Variants in ASB10 observed in about 807,000 individuals in gnomAD.
The protein encoded by ASB10 is ankyrin repeat and SOCS box containing 10.
A neutral mutation model predicts 35.4 loss-of-function variants in ASB10; 44 were observed. That is an observed-to-expected ratio of 1.24 (90% CI 0.98 to 1.60). The LOEUF (loss-of-function observed/expected upper bound fraction) is 1.60, where lower values mean the gene tolerates loss of function less well. Among genes scored for constraint, ASB10 ranks in the 40% most tolerant of loss-of-function variants. ASB10 has a pLI of 0.00. For synonymous variants in ASB10, 294 were observed against 280.4 expected, an observed-to-expected ratio of 1.05 and a Z score of -0.49; for missense variants, 647 against 634.3, an observed-to-expected ratio of 1.02 and a Z score of -0.22.
rs750715799 is a variant in ASB10 at position 151,181,327 on chromosome 7, G to GC, written c.715dup (p.Ala239GlyfsTer4). 1.6e-5 allele frequency: 26 copies of GC among 1,613,084 alleles called. No homozygotes were observed. In the African/African-American group the frequency reaches 2.5e-4, roughly 16 times the overall value. On this transcript the variant is annotated frameshift_variant, in exon 3 of 6. Coordinates refer to ENST00000420175, the MANE Select transcript of ASB10 (RefSeq NM_001142459.2). LOFTEE classifies it high-confidence loss of function. ...TTCGGCATTGCGGGCATCAGGACAT[G>GC]CCCCCCGTCTTAGAAGCAGATCTGC...
intron 2 of ASB10, among the ~76,000 whole-genome samples, chr7:151,184,949 G>A (rs1801560343): frequency 1.3e-5 from 2 of 151,754 alleles, no homozygotes; most frequent in Non-Finnish European, 2.9e-5. Flanking sequence ...GTGAACCCGG[G>A]AGGCGGAGCT....
In ASB10 at chr7:151,181,330, C is replaced by T. The variant is rs746792775; in HGVS notation, c.713G>A (p.Gly238Glu). 6.2e-7 allele frequency: 1 copy of T among 1,613,232 alleles called. No individual in the cohort carries two copies. The highest frequency in any genetic ancestry group is 8.5e-7 in the Non-Finnish European group (1 of 1,179,982). The change falls in exon 3 of 6, where the codon GGG becomes GAG. Residue 238 changes from glycine to glutamate, a missense_variant. Coordinates refer to ENST00000420175, the MANE Select transcript of ASB10 (RefSeq NM_001142459.2). ...VELADLLLRR[G>E]ACPDARNAEG... is the part of the protein sequence containing the mutation. ...GGCATTGCGGGCATCAGGACATGCC[C>T]CCCGTCTTAGAAGCAGATCTGCCAG...
chr7:151,176,768 C>T (rs1801397856), intron 3 of ASB10, 92 bp from the exon 4 acceptor site: 1 of 903,204 alleles, frequency 1.1e-6, no homozygotes, highest in Non-Finnish European at 1.7e-6. Context: ...ACTTTGTTCC[C>T]CAAAAGATAT....
intron 2 of ASB10, 121 bp downstream of exon 2, chr7:151,186,271 C>T: frequency 7.8e-7 from 1 of 1,278,358 alleles, no homozygotes; most frequent in Non-Finnish European, 1.1e-6. Flanking sequence ...GCACCCTGAC[C>T]CGCGCCCCAA....
At chr7:151,181,691 C>T (rs1372144141) in intron 2 of ASB10, among the ~76,000 whole-genome samples, 2 of 151,530 alleles carry the variant, frequency 1.3e-5, no homozygotes, top group Non-Finnish European at 2.9e-5. Flanking sequence ...CAGCTCACTG[C>T]AACCTCCACC....
intron 5 of ASB10, 44 bp from the exon 6 acceptor site, chr7:151,176,010 G>T (rs1801378250): frequency 7.3e-7 from 1 of 1,369,178 alleles, no homozygotes; most frequent in Non-Finnish European, 9.8e-7. Context: ...GTGGTTCGGG[G>T]ACGGGCCGGT....
chr7:151,186,486 C>T lies in ASB10; in HGVS notation c.490G>A (p.Val164Ile), dbSNP rs779264318. 6.2e-7 allele frequency: 1 copy of T among 1,600,392 alleles called. No homozygotes were observed. Among genetic ancestry groups the T allele is most frequent in the Non-Finnish European group, 8.5e-7 (1 of 1,173,786 alleles). ...EACAAGHTAC[V>I]HVLLVAGADP... The stretch of plus-strand genomic sequence containing the variant: ...GCTCCTGCCACCAGCAGCACATGAA[C>T]ACAGGCAGTGTGGCCTGCAGCACAG... The change falls in exon 2 of 6, where the codon GTT becomes ATT. Residue 164 changes from valine to isoleucine, a missense_variant. Val to Ile is a conservative substitution (Grantham distance 29, BLOSUM62 3). Coordinates refer to ENST00000420175, the MANE Select transcript of ASB10 (RefSeq NM_001142459.2).
chr7:151,178,398 C>T (rs923017375), intron 3 of ASB10, among the ~76,000 whole-genome samples: 5 of 152,230 alleles, frequency 3.3e-5, no homozygotes, highest in Non-Finnish European at 5.9e-5. Context: ...AGACCGTCCA[C>T]GTGGTCAGAA....
In ASB10 at chr7:151,186,897, A is replaced by C; in HGVS notation, c.234T>G (p.Ser78Arg). The C allele has an allele frequency of 2.5e-6, 4 of 1,613,974 alleles. No homozygotes were observed. Among genetic ancestry groups the C allele is most frequent in the Non-Finnish European group, 3.4e-6 (4 of 1,179,998 alleles). The stretch of plus-strand genomic sequence containing the variant: ...AGACGGAATCAGGAGCCAGGCCAGT[A>C]CTGGAGTCCGCGAGGATGCGGGAGA... Reference protein sequence around the residue: ...GCVSRILADSSTGLAPDSVFD... With the variant: ...GCVSRILADSRTGLAPDSVFD... Residue 78 changes from serine (S) to arginine (R), a missense_variant, in exon 1 of 6, where the codon AGT becomes AGG. Transcript: ENST00000420175.
chr7:151,178,434 AAG>A (rs1801429269), intron 3 of ASB10, among the ~76,000 whole-genome samples: 1 of 152,228 alleles, frequency 6.6e-6, no homozygotes, highest in Non-Finnish European at 1.5e-5. Flanking sequence ...CACTGGCACT[AAG>A]ACACCCGCTT....
At position 151,187,170 on chromosome 7, in the gene ASB10, T is replaced by C. The variant is rs751634616; in HGVS notation, c.-40A>G. 3.9e-6 allele frequency: 6 copies of C among 1,552,228 alleles called. No individual in the cohort carries two copies. The highest frequency in any genetic ancestry group is 1.4e-5 in the African/African-American group (1 of 72,240). On this transcript the variant is annotated 5_prime_UTR_variant, in exon 1 of 6. Transcript: ENST00000420175. This position sits in a 1 kb window ranked among gnomAD's most constrained non-coding sequence, Gnocchi z 5.3. ...GGGAGTGGGGAGGAGGAGAGGTATA[T>C]GCCAAAGGCAGAGAGAGAGAGAGAG...
intron 2 of ASB10, among the ~76,000 whole-genome samples, chr7:151,185,328 A>G (rs1801569836): frequency 6.6e-6 from 1 of 152,042 alleles, no homozygotes; most frequent in South Asian, 2.1e-4. Context: ...CATGTTGGCC[A>G]GGCTGGTCTC....
rs760154903 is a variant in ASB10, at chr7:151,181,267, C to T, written c.776G>A (p.Arg259His). ...CTCGGCATCGGTGATGGACTGGCAG[C>T]GGACGTCACAGGCAGCCAGCAGTGG... ...WTPLLAACDV[R>H]CQSITDAEAT... is the part of the protein sequence containing the mutation. Residue 259 changes from arginine to histidine, a missense_variant, in exon 3 of 6, where the codon CGC becomes CAC. Arg to His is a conservative substitution (Grantham distance 29, BLOSUM62 0). Transcript: ENST00000420175. 34 of 1,612,950 alleles carry T rather than the reference C, an allele frequency of 2.1e-5. No individual in the cohort carries two copies. In the East Asian group the frequency reaches 4.7e-4, roughly 22 times the overall value.
At chr7:151,187,628 C>T (rs1052861093), upstream of ASB10, 39 of 1,538,462 alleles carry the variant, frequency 2.5e-5, no homozygotes, top group Middle Eastern at 1.7e-4. This position sits in a 1 kb window ranked among gnomAD's most constrained non-coding sequence, Gnocchi z 5.3. Flanking sequence ...CCAGGCTGGG[C>T]GGGAGTGGGG....
intron 3 of ASB10, among the ~76,000 whole-genome samples, chr7:151,177,505 C>CG (rs1801410321): frequency 1.3e-5 from 2 of 152,200 alleles, no homozygotes; most frequent in Non-Finnish European, 2.9e-5. Context: ...TGGAAGGGGT[C>CG]CCTGACCTGT....
In ASB10 at chr7:151,186,960, G is replaced by C; in HGVS notation, c.171C>G (p.Ala57=). ...VTRTASGPAL[A]FWQAVLAGDV... ...CCCCAGCCAGCACTGCCTGCCAGAA[G>C]GCAAGGGCAGGTCCTGAGGCTGTGC... The change falls in exon 1 of 6, where the codon GCC becomes GCG. Residue 57 remains alanine, a synonymous_variant. Transcript: ENST00000420175. The C allele has an allele frequency of 1.2e-6, 2 of 1,613,892 alleles. No individual in the cohort carries two copies. Among genetic ancestry groups the C allele is most frequent in the Non-Finnish European group, 1.7e-6 (2 of 1,180,014 alleles).
Position 151,181,471 on chromosome 7 carries a change from G to T in ASB10, c.585-13C>A. ...CAGCTCCGCACACCTATTGGGGGGA[G>T]ACGGTGGTGGGGAGGAAAGCGGGCA... On this transcript the variant is annotated splice_polypyrimidine_tract_variant and intron_variant, in intron 2 of 5. Transcript: ENST00000420175. 6.4e-7 allele frequency: 1 copy of T among 1,565,316 alleles called. No individual in the cohort carries two copies. Among genetic ancestry groups the T allele is most frequent in the South Asian group, 1.2e-5 (1 of 84,764 alleles).
chr7:151,179,709 C>A (rs1476230309), intron 3 of ASB10, among the ~76,000 whole-genome samples: 2 of 152,198 alleles, frequency 1.3e-5, no homozygotes, highest in Admixed American at 1.3e-4. Flanking sequence ...GCTCTGCCAG[C>A]CCCTTTGGTC....
In ASB10 at chr7:151,176,506, G is replaced by A. The variant is rs1358278996; in HGVS notation, c.1218+57C>T. ...TTCTATGGGGGGCTGCGGTTTAGCG[G>A]GTGGGAGTCTTGGGACCAGGATGAG... On this transcript the variant is annotated intron_variant, in intron 4 of 5. Coordinates refer to ENST00000420175, the MANE Select transcript of ASB10 (RefSeq NM_001142459.2). 3 of 1,510,522 alleles carry A rather than the reference G, an allele frequency of 2.0e-6. No homozygotes were observed. The African/African-American group carries it at 4.2e-5, about 21-fold the overall frequency. 93.6% of individuals were successfully genotyped at this position (1,510,522 alleles called of 1,614,324 possible).
Sources: allele counts gnomAD v4.1 joint callset (sites outside exome capture counted in the v4.1 genomes callset), GRCh38; gene constraint gnomAD v4.1.1; non-coding constraint Gnocchi (gnomAD v3.1); transcripts MANE v1.5; gene names NCBI Gene and HGNC (gene_info 2026-07-23, HGNC 2026-07-21).